The following GDPD1 variants were observed in gnomAD, a reference collection of about 807,000 sequenced individuals.
The protein encoded by GDPD1 is lysophospholipase D GDPD1.
A neutral mutation model predicts 45.1 loss-of-function variants in GDPD1; 28 were observed. The ratio of observed to expected loss-of-function variants is 0.62; its 90% CI spans 0.46 to 0.85. The LOEUF (loss-of-function observed/expected upper bound fraction) is 0.85, where lower values mean the gene tolerates loss of function less well. Among genes scored for constraint, GDPD1 ranks in the 40% least tolerant of loss-of-function variants. The pLI is 0.00. For synonymous variants in GDPD1, 139 were observed against 131.4 expected, an observed-to-expected ratio of 1.06 and a Z score of -0.40; for missense variants, 256 against 364.8, an observed-to-expected ratio of 0.70 and a Z score of 2.43.
intron 2 of GDPD1, among the ~76,000 whole-genome samples, chr17:59,244,435 A>G (rs1256366396): frequency 6.6e-6 from 1 of 152,110 alleles, no homozygotes; most frequent in Non-Finnish European, 1.5e-5. Flanking sequence ...TGACCTTGTG[A>G]TCTACCCGCC....
At chr17:59,272,643 A>T in intron 8 of GDPD1, 142 bp from the exon 9 acceptor site, 1 of 600,046 alleles carries the variant, frequency 1.7e-6, no homozygotes. Flanking sequence ...AAATTAATTC[A>T]CAACAGCTAT....
chr17:59,225,090 CTTTTTTTTT>C (rs796851725), intron 1 of GDPD1, among the ~76,000 whole-genome samples: 1 of 113,678 alleles, frequency 8.8e-6, no homozygotes, highest in Non-Finnish European at 1.7e-5. Context: ...TCTTTCTTTT[CTTTTTTTTT>C]TTTTTTTTTT....
chr17:59,254,059 TAAA>T (rs11284499), intron 4 of GDPD1, among the ~76,000 whole-genome samples: 13 of 123,320 alleles, frequency 1.1e-4, no homozygotes, highest in African/African-American at 1.8e-4. Context: ...CATCTCTACT[TAAA>T]AAAAAAAAAA....
At chr17:59,220,796 G>A (rs376395900) in intron 1 of GDPD1, 45 bp downstream of exon 1, 60 of 1,598,774 alleles carry the variant, frequency 3.8e-5, no homozygotes, top group Non-Finnish European at 4.9e-5. Context: ...GGGGGAGGCT[G>A]AGGGTCCTTT....
chr17:59,261,168 G>A (rs2047352698), intron 6 of GDPD1, among the ~76,000 whole-genome samples: 2 of 152,162 alleles, frequency 1.3e-5, no homozygotes, highest in Non-Finnish European at 2.9e-5. Flanking sequence ...GTTTCGCCAT[G>A]TTGGCCAGGC....
chr17:59,241,311 G>GTATT (rs755109856), intron 2 of GDPD1, among the ~76,000 whole-genome samples: 50 of 152,094 alleles, frequency 3.3e-4, no homozygotes, highest in Non-Finnish European at 6.2e-4. Context: ...GTGAGCTAGT[G>GTATT]TATTTATTTA....
chr17:59,269,907 A>T (rs947361666), intron 7 of GDPD1, among the ~76,000 whole-genome samples: 1 of 152,110 alleles, frequency 6.6e-6, no homozygotes, highest in Non-Finnish European at 1.5e-5. Context: ...ATTTATCTTC[A>T]TATGTTCCTT....
intron 7 of GDPD1, 132 bp downstream of exon 7, chr17:59,267,306 A>G: frequency 1.4e-6 from 1 of 728,230 alleles, no homozygotes; most frequent in East Asian, 2.7e-5. Context: ...TACCTGACCT[A>G]TATTATGCAT....
At chr17:59,248,042 G>A (rs1458874125) in intron 3 of GDPD1, among the ~76,000 whole-genome samples, 5 of 151,624 alleles carry the variant, frequency 3.3e-5, no homozygotes, top group Non-Finnish European at 5.9e-5. Flanking sequence ...TTTATATAAC[G>A]TTTTCTCTAT....
chr17:59,256,325 A>G (rs1160636911), intron 4 of GDPD1, among the ~76,000 whole-genome samples: 3 of 152,128 alleles, frequency 2.0e-5, no homozygotes, highest in Non-Finnish European at 2.9e-5. Context: ...TCAAACAAAC[A>G]AACAAACAAA....
At chr17:59,268,211 C>T (rs143159049) in intron 7 of GDPD1, among the ~76,000 whole-genome samples, 1 of 152,238 alleles carries the variant, frequency 6.6e-6, no homozygotes, top group East Asian at 1.9e-4. Flanking sequence ...GCTGTAGATT[C>T]ATAACTGAAT....
intron 6 of GDPD1, among the ~76,000 whole-genome samples, chr17:59,262,723 G>A (rs2147900921): frequency 6.6e-6 from 1 of 151,906 alleles, no homozygotes; most frequent in South Asian, 2.1e-4. Flanking sequence ...CGCCTTCCGG[G>A]TTCAAGCGAT....
chr17:59,274,797 A>C lies in GDPD1; in HGVS notation c.*1024A>C, dbSNP rs1159494478. On this transcript the variant is annotated 3_prime_UTR_variant, in exon 10 of 10. Coordinates refer to ENST00000284116, the MANE Select transcript of GDPD1 (RefSeq NM_182569.4). The stretch of plus-strand genomic sequence containing the variant: ...CGTCTCAAAAAAAGAAAAAAAGAAA[A>C]AAAATTGGCAATAGTCTTCACTGGA... Among the ~76,000 whole-genome samples, 1 of 151,888 alleles carries C rather than the reference A, an allele frequency of 6.6e-6. No individual in the cohort carries two copies. Among genetic ancestry groups the C allele is most frequent in the Non-Finnish European group, 1.5e-5 (1 of 67,984 alleles).
Position 59,258,135 on chromosome 17 carries a change from C to A in GDPD1, c.576+295C>A, listed in dbSNP as rs144414675. 6.1e-4 allele frequency among the ~76,000 whole-genome samples: 93 copies of A among 152,198 alleles called. 2 individuals carry two copies. The East Asian group carries it at 0.018, about 30-fold the overall frequency. ...AGAGATGAGGTCTCACTATATTGCC[C>A]ACTCTGGTATCAAACTCTTGGACTC... On this transcript the variant is annotated intron_variant, in intron 6 of 9. Transcript: ENST00000284116.
intron 3 of GDPD1, among the ~76,000 whole-genome samples, chr17:59,247,753 C>G (rs188315733): frequency 1.1e-4 from 17 of 152,208 alleles, no homozygotes; most frequent in Admixed American, 5.2e-4. Context: ...CCTCAGCCCC[C>G]CCAAATAGCT....
intron 8 of GDPD1, 30 bp from the exon 9 acceptor site, chr17:59,272,755 C>A (rs2047453126): frequency 1.5e-6 from 2 of 1,357,116 alleles, no homozygotes; most frequent in African/African-American, 2.9e-5. Context: ...GGACTAAATT[C>A]CTAAATCAGT....
At chr17:59,255,831 G>GTATATATA (rs369473417) in intron 4 of GDPD1, among the ~76,000 whole-genome samples, 2 of 62,988 alleles carry the variant, frequency 3.2e-5, no homozygotes, top group South Asian at 5.2e-4. Context: ...ATATATACGC[G>GTATATATA]TATATATATA....
chr17:59,258,676 C>A (rs2047328724), intron 6 of GDPD1, among the ~76,000 whole-genome samples: 1 of 152,134 alleles, frequency 6.6e-6, no homozygotes, highest in South Asian at 2.1e-4. Flanking sequence ...AAGGTCAATG[C>A]AGTTGAACTG....
intron 1 of GDPD1, among the ~76,000 whole-genome samples, chr17:59,224,546 A>G (rs1403426847): frequency 1.3e-5 from 2 of 149,966 alleles, no homozygotes; most frequent in Admixed American, 6.7e-5. Flanking sequence ...AATGGCGTGA[A>G]CCCGGGAGGC....
Sources: allele counts gnomAD v4.1 joint callset (sites outside exome capture counted in the v4.1 genomes callset), GRCh38; gene constraint gnomAD v4.1.1; transcripts MANE v1.5; gene names NCBI Gene and HGNC (gene_info 2026-07-23, HGNC 2026-07-21).